Variants in SNTN observed in about 807,000 individuals in gnomAD.
The protein encoded by SNTN is sentan.
Under a neutral mutation model 12.3 loss-of-function variants are expected in SNTN, and 13 were observed. The ratio of observed to expected loss-of-function variants is 1.05; its 90% CI spans 0.69 to 1.67. The LOEUF (loss-of-function observed/expected upper bound fraction) is 1.67, where lower values mean the gene tolerates loss of function less well. Among genes scored for constraint, SNTN ranks in the 40% most tolerant of loss-of-function variants. SNTN has a pLI of 0.00. For synonymous variants in SNTN, 69 were observed against 58.5 expected, an observed-to-expected ratio of 1.18 and a Z score of -0.82; for missense variants, 189 against 169.8, an observed-to-expected ratio of 1.11 and a Z score of -0.63.
In SNTN at chr3:63,654,807, G is replaced by A. The variant is rs760988282; in HGVS notation, c.145+11G>A. On this transcript the variant is annotated intron_variant, in intron 2 of 3. Transcript: ENST00000343837. ...TGGCTTCAGTGAAAGGTAAGGCACA[G>A]ATGACGCAGATGTACATTTTTCTCC... 19 of 1,611,462 alleles carry A rather than the reference G, an allele frequency of 1.2e-5. 1 individual carries two copies. The East Asian group carries it at 3.1e-4, about 26-fold the overall frequency.
chr3:63,661,081 C>A (rs1700738888), intron 3 of SNTN, among the ~76,000 whole-genome samples: 1 of 152,068 alleles, frequency 6.6e-6, no homozygotes, highest in Non-Finnish European at 1.5e-5. Flanking sequence ...ATTGTAAATT[C>A]AGTGGATTAG....
chr3:63,656,023 C>G (rs1024334243), intron 2 of SNTN, among the ~76,000 whole-genome samples: 1 of 152,200 alleles, frequency 6.6e-6, no homozygotes, highest in Admixed American at 6.5e-5. Context: ...GTTTTTAGTT[C>G]TGATATATAC....
intron 2 of SNTN, 82 bp from the exon 3 acceptor site, chr3:63,659,643 T>A: frequency 1.3e-6 from 2 of 1,534,648 alleles, no homozygotes; most frequent in African/African-American, 1.4e-5. Context: ...TCCCTACAGT[T>A]CCCTTGGAAG....
chr3:63,653,764 A>G (rs1181028809), intron 1 of SNTN, among the ~76,000 whole-genome samples: 2 of 152,220 alleles, frequency 1.3e-5, no homozygotes, highest in African/African-American at 4.8e-5. Flanking sequence ...TGATATAACC[A>G]TGAAATAATT....
At chr3:63,663,687 C>A in intron 3 of SNTN, 1 of 606,310 alleles carries the variant, frequency 1.6e-6, no homozygotes, top group Non-Finnish European at 3.0e-6. Context: ...GTGATCTGTT[C>A]ATACACCAGC....
intron 2 of SNTN, among the ~76,000 whole-genome samples, chr3:63,655,728 AAC>A (rs1700672394): frequency 6.6e-6 from 1 of 152,190 alleles, no homozygotes; most frequent in African/African-American, 2.4e-5. Flanking sequence ...CCTTAAAAAA[AAC>A]ACAGGATAAA....
At chr3:63,663,468 C>G (rs1223992633) in intron 3 of SNTN, among the ~76,000 whole-genome samples, 2 of 152,146 alleles carry the variant, frequency 1.3e-5, no homozygotes, top group African/African-American at 4.8e-5. Context: ...TTTGTCCCCT[C>G]CAAACTCCAT....
At chr3:63,656,936 TG>T (rs1344211314) in intron 2 of SNTN, among the ~76,000 whole-genome samples, 1 of 151,924 alleles carries the variant, frequency 6.6e-6, no homozygotes, top group Non-Finnish European at 1.5e-5. Context: ...ATCGATAGAG[TG>T]GGGGTTGATA....
intron 3 of SNTN, among the ~76,000 whole-genome samples, chr3:63,663,521 A>G (rs1001958260): frequency 6.6e-6 from 1 of 151,990 alleles, no homozygotes; most frequent in Non-Finnish European, 1.5e-5. Flanking sequence ...GCCTTATGGG[A>G]GGTGTTTGAA....
intron 2 of SNTN, among the ~76,000 whole-genome samples, chr3:63,656,962 A>G (rs1302906606): frequency 6.6e-6 from 1 of 152,170 alleles, no homozygotes; most frequent in Non-Finnish European, 1.5e-5. Context: ...GACATACCTC[A>G]TCGGACTGAC....
At chr3:63,660,675 T>C (rs1495912) in intron 3 of SNTN, among the ~76,000 whole-genome samples, 49,280 of 152,022 alleles carry the variant, frequency 0.32, 9,240 homozygotes, top group East Asian at 0.63. Context: ...ATGGTGGTGT[T>C]CCCACTCCTA....
intron 3 of SNTN, among the ~76,000 whole-genome samples, chr3:63,662,229 A>G (rs1405055810): frequency 2.0e-5 from 3 of 152,156 alleles, no homozygotes; most frequent in Non-Finnish European, 4.4e-5. Context: ...ACGTGAGTCA[A>G]TGGCAAAGCT....
At chr3:63,652,971 T>C (rs1700636635) in intron 1 of SNTN, among the ~76,000 whole-genome samples, 174 bp downstream of exon 1, 1 of 152,210 alleles carries the variant, frequency 6.6e-6, no homozygotes, top group African/African-American at 2.4e-5. Context: ...ACTTGCAGCC[T>C]TGACTGCAAA....
chr3:63,654,699 A>G (rs1700656642), intron 1 of SNTN, 63 bp from the exon 2 acceptor site: 1 of 1,408,576 alleles, frequency 7.1e-7, no homozygotes. Context: ...TTGCTCTGCT[A>G]TAGATGCTGA....
intron 2 of SNTN, 145 bp from the exon 3 acceptor site, chr3:63,659,580 A>T: frequency 1.2e-6 from 1 of 814,198 alleles, no homozygotes; most frequent in East Asian, 2.5e-5. Flanking sequence ...CAGGATTGGA[A>T]ACTCCCACAT....
chr3:63,658,762 A>T (rs1354507752), intron 2 of SNTN, among the ~76,000 whole-genome samples: 2 of 152,154 alleles, frequency 1.3e-5, no homozygotes, highest in Non-Finnish European at 2.9e-5. Flanking sequence ...GTAAGCACTC[A>T]ATATGAAAAT....
chr3:63,657,263 C>A (rs920374349), intron 2 of SNTN, among the ~76,000 whole-genome samples: 2 of 152,118 alleles, frequency 1.3e-5, no homozygotes, highest in Admixed American at 1.3e-4. Flanking sequence ...CAGCAGAAAT[C>A]GGCCTGGCTT....
intron 3 of SNTN, among the ~76,000 whole-genome samples, chr3:63,660,303 G>A (rs972218314): frequency 1.3e-5 from 2 of 152,116 alleles, no homozygotes; most frequent in Non-Finnish European, 2.9e-5. Flanking sequence ...TAGCTGGGAA[G>A]TGGTTAGAGA....
chr3:63,655,088 G>C (rs1700662227), intron 2 of SNTN, among the ~76,000 whole-genome samples: 1 of 152,042 alleles, frequency 6.6e-6, no homozygotes, highest in African/African-American at 2.4e-5. Context: ...CGTCTCCAAG[G>C]GCAGCATCCT....
Sources: gnomAD v4.1 joint callset for allele counts (sites outside exome capture counted in the v4.1 genomes callset) on GRCh38, gnomAD v4.1.1 for gene constraint, MANE v1.5 for transcripts, NCBI Gene and HGNC (gene_info 2026-07-23, HGNC 2026-07-21) for gene names.